TFEC: variants seen among roughly 807,000 people sequenced by gnomAD.
TFEC encodes the protein class E basic helix-loop-helix protein 34.
A neutral mutation model predicts 41.6 loss-of-function variants in TFEC; 31 were observed. The observed-to-expected ratio is 0.74, with a 90% CI of 0.56 to 1.01. The LOEUF is 1.01. Ranked by LOEUF, TFEC falls within the 50% of genes least tolerant of loss-of-function variation. The probability of loss-of-function intolerance (pLI) is 0.00; values close to 1 mark genes in which losing one functional copy is unlikely to be tolerated. For synonymous variants in TFEC, 143 were observed against 140.6 expected (o/e 1.02, Z -0.12); for missense variants, 402 against 404.1 (o/e 0.99, Z 0.04).
intron 2 of TFEC, among the ~76,000 whole-genome samples, chr7:115,978,257 C>A (rs564704506): frequency 3.3e-5 from 5 of 152,072 alleles, no homozygotes; most frequent in South Asian, 4.2e-4. Context: ...TCATATTAAG[C>A]AATATAAAAT....
exon 3 of TFEC, chr7:116,110,740 T>C: frequency 6.5e-7 from 1 of 1,527,634 alleles, no homozygotes; most frequent in Non-Finnish European, 8.8e-7. Flanking sequence ...CTTGAATAAA[T>C]TTGTGGTCTT....
At chr7:116,014,611 A>C (rs989851280) in intron 1 of TFEC, among the ~76,000 whole-genome samples, 1 of 152,120 alleles carries the variant, frequency 6.6e-6, no homozygotes, top group Admixed American at 6.6e-5. Context: ...TAGCAGGCAA[A>C]ATAATACCTC....
At chr7:116,154,554 C>T (rs1333482003) in intron 1 of TFEC, among the ~76,000 whole-genome samples, 1 of 152,130 alleles carries the variant, frequency 6.6e-6, no homozygotes, top group African/African-American at 2.4e-5. Flanking sequence ...TATTAATGAA[C>T]AAGGCAGATA....
intron 3 of TFEC, among the ~76,000 whole-genome samples, chr7:116,095,210 T>C (rs1797422921): frequency 6.6e-6 from 1 of 152,206 alleles, no homozygotes; most frequent in Non-Finnish European, 1.5e-5. Context: ...CCACTGAATT[T>C]TCAAAACTTT....
intron 1 of TFEC, among the ~76,000 whole-genome samples, chr7:116,124,555 C>A (rs1231668375): frequency 6.6e-6 from 1 of 152,104 alleles, no homozygotes; most frequent in Non-Finnish European, 1.5e-5. Context: ...AAATAATCTA[C>A]TCAAATGAAG....
chr7:116,089,904 C>A (rs1797286426), intron 3 of TFEC, among the ~76,000 whole-genome samples: 1 of 152,054 alleles, frequency 6.6e-6, no homozygotes, highest in Non-Finnish European at 1.5e-5. Context: ...CTGGAACTTC[C>A]CTTCTGTCCA....
intron 1 of TFEC, among the ~76,000 whole-genome samples, chr7:116,019,005 T>A (rs892243488): frequency 1.3e-5 from 2 of 151,608 alleles, no homozygotes; most frequent in African/African-American, 4.9e-5. Context: ...GATTTAATCA[T>A]CACAAGAAAA....
chr7:116,011,523 G>A (rs1795000851), intron 1 of TFEC, among the ~76,000 whole-genome samples: 1 of 152,074 alleles, frequency 6.6e-6, no homozygotes, highest in East Asian at 1.9e-4. Context: ...ATGAAGAACT[G>A]TCCTTTCCAA....
chr7:116,142,708 A>T (rs1477367676), intron 1 of TFEC, among the ~76,000 whole-genome samples: 1 of 152,162 alleles, frequency 6.6e-6, no homozygotes, highest in Non-Finnish European at 1.5e-5. Context: ...ATACAGAGAG[A>T]AGCAGAGATG....
chr7:115,960,227 A>G (rs1466268049), intron 3 of TFEC, among the ~76,000 whole-genome samples: 1 of 151,618 alleles, frequency 6.6e-6, no homozygotes, highest in Non-Finnish European at 1.5e-5. Flanking sequence ...ATGGAAAAAT[A>G]AAACAAATCT....
At chr7:116,031,654 T>A (rs1265330642), upstream of TFEC, among the ~76,000 whole-genome samples, 1 of 152,170 alleles carries the variant, frequency 6.6e-6, no homozygotes, top group Non-Finnish European at 1.5e-5. Flanking sequence ...TACATTCAGA[T>A]TTCTCTTGCC....
chr7:116,056,472 C>G (rs1424180584), intron 3 of TFEC, among the ~76,000 whole-genome samples: 1 of 152,104 alleles, frequency 6.6e-6, no homozygotes, highest in Non-Finnish European at 1.5e-5. Flanking sequence ...AGAAAAAGCA[C>G]CACTCAAAAT....
chr7:116,157,542 T>C (rs1241019734), intron 1 of TFEC, among the ~76,000 whole-genome samples: 2 of 152,018 alleles, frequency 1.3e-5, no homozygotes, highest in African/African-American at 4.8e-5. Context: ...AAAGTAAGTT[T>C]AGTAGGGAAT....
chr7:116,140,816 G>C (rs1207613290), intron 1 of TFEC, among the ~76,000 whole-genome samples: 1 of 152,104 alleles, frequency 6.6e-6, no homozygotes, highest in Non-Finnish European at 1.5e-5. Flanking sequence ...AATGTTTATA[G>C]GGCAACCATG....
At chr7:116,100,138 G>A (rs185946742) in intron 3 of TFEC, among the ~76,000 whole-genome samples, 3 of 152,226 alleles carry the variant, frequency 2.0e-5, no homozygotes, top group Admixed American at 2.0e-4. Flanking sequence ...TAAATTCAGA[G>A]TTTACCCAGA....
intron 1 of TFEC, among the ~76,000 whole-genome samples, chr7:116,147,766 C>T (rs374229102): frequency 1.3e-5 from 2 of 152,070 alleles, no homozygotes; most frequent in African/African-American, 4.8e-5. Flanking sequence ...TAGCTGTCAA[C>T]GTAGAATCTT....
chr7:115,978,138 A>G (rs1348069399), intron 2 of TFEC, among the ~76,000 whole-genome samples: 1 of 152,130 alleles, frequency 6.6e-6, no homozygotes, highest in Non-Finnish European at 1.5e-5. Flanking sequence ...AGGTTTTGTA[A>G]TATTTTGTCT....
intron 2 of TFEC, among the ~76,000 whole-genome samples, chr7:115,980,603 A>T (rs1793582434): frequency 6.6e-6 from 1 of 152,044 alleles, no homozygotes; most frequent in Admixed American, 6.6e-5. Context: ...TACAAAAATT[A>T]GCTGGGCGTG....
intron 3 of TFEC, among the ~76,000 whole-genome samples, chr7:116,049,151 G>A (rs1468528987): frequency 6.6e-6 from 1 of 152,134 alleles, no homozygotes; most frequent in Non-Finnish European, 1.5e-5. Context: ...AAATGTAAAT[G>A]GGCTAAATGC....
Sources: allele counts gnomAD v4.1 joint callset (sites outside exome capture counted in the v4.1 genomes callset), GRCh38; gene constraint gnomAD v4.1.1; transcripts MANE v1.5; gene names NCBI Gene and HGNC (gene_info 2026-07-23, HGNC 2026-07-21).